XPO7: variants seen among roughly 807,000 people sequenced by gnomAD.
The protein encoded by XPO7 is exportin-7.
XPO7 carries 21 observed loss-of-function variants against 144.3 expected under a neutral mutation model. The observed-to-expected ratio is 0.15, with a 90% confidence interval of 0.10 to 0.21. The LOEUF (loss-of-function observed/expected upper bound fraction) is 0.21, where lower values mean the gene tolerates loss of function less well. XPO7 is among the 10% of genes least tolerant of loss of function. The pLI, the probability that XPO7 is intolerant of heterozygous loss-of-function variation, is 1.00. For missense variants in XPO7, 808 were observed against 1,325.8 expected (o/e 0.61, Z 6.06); for synonymous variants, 580 against 499.6 (o/e 1.16, Z -2.15).
At chr8:21,950,959 A>C (rs574695958) in intron 1 of XPO7, among the ~76,000 whole-genome samples, 5 of 151,858 alleles carry the variant, frequency 3.3e-5, no homozygotes, top group African/African-American at 9.7e-5. Context: ...TCGACTCTAC[A>C]AAAAATACAA....
intron 21 of XPO7, among the ~76,000 whole-genome samples, chr8:21,997,142 G>A (rs1027561948): frequency 1.3e-5 from 2 of 151,976 alleles, no homozygotes; most frequent in Admixed American, 6.6e-5. Flanking sequence ...TTATGGAGTG[G>A]GTAATATTTA....
intron 1 of XPO7, among the ~76,000 whole-genome samples, chr8:21,923,755 A>G (rs150980542): frequency 8.4e-4 from 128 of 152,306 alleles, no homozygotes; most frequent in African/African-American, 3.0e-3. Flanking sequence ...GATGTTCATA[A>G]CCACCAGCTG....
intron 1 of XPO7, among the ~76,000 whole-genome samples, chr8:21,946,068 A>G (rs1265655721): frequency 2.6e-5 from 4 of 152,204 alleles, no homozygotes; most frequent in Admixed American, 6.5e-5. Flanking sequence ...CGGGATTTCC[A>G]TAGATTTATG....
At chr8:21,919,978 T>A (rs1378374262) in intron 1 of XPO7, among the ~76,000 whole-genome samples, 190 bp downstream of exon 1, 1 of 150,740 alleles carries the variant, frequency 6.6e-6, no homozygotes, top group Non-Finnish European at 1.5e-5. Context: ...GGGGGCCTTC[T>A]CCGTCCCCTC....
intron 1 of XPO7, among the ~76,000 whole-genome samples, chr8:21,957,515 G>A (rs1158447059): frequency 2.6e-5 from 4 of 152,252 alleles, no homozygotes; most frequent in East Asian, 1.9e-4. Flanking sequence ...TTATGTTGCT[G>A]TTGTCCTCTT....
chr8:21,950,378 C>G (rs1811327320), intron 1 of XPO7, among the ~76,000 whole-genome samples: 1 of 152,162 alleles, frequency 6.6e-6, no homozygotes, highest in Non-Finnish European at 1.5e-5. Context: ...TGGACTATTT[C>G]ATATTCCTAA....
At chr8:21,996,143 G>A (rs1812942236) in intron 21 of XPO7, among the ~76,000 whole-genome samples, 1 of 152,202 alleles carries the variant, frequency 6.6e-6, no homozygotes, top group Non-Finnish European at 1.5e-5. Context: ...AGAGTCTCCA[G>A]TGGGGCATGG....
intron 1 of XPO7, among the ~76,000 whole-genome samples, chr8:21,955,724 CTTTTTTTTTTTTT>C (rs71544845): frequency 9.7e-6 from 1 of 102,774 alleles, no homozygotes; most frequent in Non-Finnish European, 1.8e-5. Context: ...CTGTGCTTAC[CTTTTTTTTTTTTT>C]TTTTTTTTTT....
At chr8:21,923,029 A>G (rs761064353) in intron 1 of XPO7, among the ~76,000 whole-genome samples, 1 of 152,224 alleles carries the variant, frequency 6.6e-6, no homozygotes, top group Non-Finnish European at 1.5e-5. Flanking sequence ...AGCAAAAGTG[A>G]TGGTTGTTTT....
At chr8:21,964,168 A>G (rs897678200) in intron 1 of XPO7, 1 of 152,208 alleles carries the variant, frequency 6.6e-6, no homozygotes, top group African/African-American at 2.4e-5. Flanking sequence ...AAGTTTCTCC[A>G]TGGATTATAG....
chr8:21,919,797 A>G lies in XPO7; in HGVS notation c.18+9A>G. ...TGGCGGATCATGTGCAGGTGAGAGG[A>G]GCCGCGGGGGGGAGGGGGCGACCAC... On this transcript the variant is annotated intron_variant, in intron 1 of 27. Transcript: ENST00000252512. The G allele has an allele frequency of 2.4e-6, 1 of 425,378 alleles. No homozygotes were observed. The highest frequency in any genetic ancestry group is 5.2e-5 in the Admixed American group (1 of 19,326). 26.4% of individuals were successfully genotyped at this position (425,378 alleles called of 1,614,324 possible).
Position 22,003,829 on chromosome 8 carries a change from A to G in XPO7, c.3043-74A>G. 3.1e-6 allele frequency: 5 copies of G among 1,599,650 alleles called. No individual in the cohort carries two copies. In the East Asian group the frequency reaches 1.1e-4, roughly 36 times the overall value. On this transcript the variant is annotated intron_variant, in intron 26 of 27. Coordinates refer to ENST00000252512, the MANE Select transcript of XPO7 (RefSeq NM_015024.5). Reference sequence around the variant, plus strand: ...CCTCCTTAGAGAAGAACATTCTTCAACCCTGCAGATGACGGAGGGCTAATC... The same window carrying G: ...CCTCCTTAGAGAAGAACATTCTTCAGCCCTGCAGATGACGGAGGGCTAATC...
In XPO7 at chr8:21,970,210, T is replaced by C. The variant is rs765035237; in HGVS notation, c.326T>C (p.Ile109Thr). The C allele has an allele frequency of 6.2e-7, 1 of 1,613,952 alleles. No homozygotes were observed. Among genetic ancestry groups the C allele is most frequent in the Admixed American group, 1.7e-5 (1 of 60,030 alleles). ...KLATFVTQALIQLYARITKLG... is the reference protein window; with the variant it reads ...KLATFVTQALTQLYARITKLG... ...GCTACTTTCGTGACACAAGCACTTA[T>C]TCAGTTATATGCCAGAATCACAAAA... Residue 109 changes from isoleucine to threonine, a missense_variant, in exon 4 of 28, where the codon ATT (isoleucine) becomes ACT (threonine). Around this residue, in one of 5 missense-constraint regions of XPO7, gnomAD observed 223 missense variants for 368.8 expected, o/e 0.60. Transcript: ENST00000252512.
At chr8:21,934,878 A>T (rs970371309) in intron 1 of XPO7, among the ~76,000 whole-genome samples, 1 of 152,212 alleles carries the variant, frequency 6.6e-6, no homozygotes, top group Non-Finnish European at 1.5e-5. Flanking sequence ...CTTGACTATG[A>T]TTTTCAGTTG....
chr8:21,934,985 A>G (rs1040493874), intron 1 of XPO7, among the ~76,000 whole-genome samples: 9 of 152,212 alleles, frequency 5.9e-5, no homozygotes, highest in South Asian at 2.1e-4. Context: ...AAAAAACTTC[A>G]TATGTTTTCA....
intron 1 of XPO7, among the ~76,000 whole-genome samples, chr8:21,953,196 C>T (rs959227721): frequency 6.6e-6 from 1 of 152,098 alleles, no homozygotes; most frequent in African/African-American, 2.4e-5. Context: ...TCATAAAGAA[C>T]AGTTTCACTG....
At chr8:21,996,480 A>G (rs1201248813) in intron 21 of XPO7, among the ~76,000 whole-genome samples, 3 of 152,214 alleles carry the variant, frequency 2.0e-5, no homozygotes, top group African/African-American at 7.2e-5. Context: ...GGCAACCAAG[A>G]TTCTGATTTC....
intron 1 of XPO7, among the ~76,000 whole-genome samples, chr8:21,941,457 T>C (rs1187518708): frequency 6.6e-6 from 1 of 152,216 alleles, no homozygotes; most frequent in African/African-American, 2.4e-5. Context: ...CAGACTCATA[T>C]ACTTTAAATC....
intron 1 of XPO7, among the ~76,000 whole-genome samples, chr8:21,931,878 T>C (rs1016115062): frequency 1.3e-5 from 2 of 152,186 alleles, no homozygotes; most frequent in Non-Finnish European, 2.9e-5. Context: ...GATTACTTTA[T>C]TTATTTATTT....
Sources: allele counts gnomAD v4.1 joint callset (sites outside exome capture counted in the v4.1 genomes callset), GRCh38; gene constraint gnomAD v4.1.1; regional missense constraint gnomAD v4.1.1; transcripts MANE v1.5; gene names NCBI Gene and HGNC (gene_info 2026-07-23, HGNC 2026-07-21).